The following DOT1L variants were observed in gnomAD, a reference collection of about 807,000 sequenced individuals.
DOT1L encodes DOT1 like histone lysine methyltransferase, also known as histone-lysine N-methyltransferase, H3 lysine-79 specific.
Under a neutral mutation model 153.3 loss-of-function variants are expected in DOT1L, and 33 were observed. That is an observed-to-expected ratio of 0.22 (90% CI 0.16 to 0.29). The LOEUF is 0.29. Among genes scored for constraint, DOT1L ranks in the 10% least tolerant of loss-of-function variants. The pLI, the probability that DOT1L is intolerant of heterozygous loss-of-function variation, is 1.00. For synonymous variants in DOT1L, 1,135 were observed against 965.1 expected, an observed-to-expected ratio of 1.18 and a Z score of -3.26; for missense variants, 1,847 against 2,119.9, an observed-to-expected ratio of 0.87 and a Z score of 2.53.
chr19:2,164,419 C>T (rs2019829258), intron 1 of DOT1L, 154 bp downstream of exon 1: 1 of 464,668 alleles, frequency 2.2e-6, no homozygotes, highest in Non-Finnish European at 3.3e-6. Flanking sequence ...CGTTGCTTCC[C>T]GGCCGAGGGC....
intron 1 of DOT1L, among the ~76,000 whole-genome samples, chr19:2,173,412 G>A (rs368084628): frequency 6.6e-6 from 1 of 152,162 alleles, no homozygotes; most frequent in East Asian, 1.9e-4. Flanking sequence ...GAGAGAACTC[G>A]AGGTGAGCCG....
intron 25 of DOT1L, among the ~76,000 whole-genome samples, chr19:2,225,041 G>A (rs1390286369): frequency 2.0e-5 from 3 of 152,238 alleles, no homozygotes. Flanking sequence ...GAGAGGGGCC[G>A]GGAGAGGGAG....
Position 2,213,836 on chromosome 19 carries a change from C to T in DOT1L, c.1660-13C>T, listed in dbSNP as rs1381976008. 6.2e-7 allele frequency: 1 copy of T among 1,612,990 alleles called. No homozygotes were observed. The highest frequency in any genetic ancestry group is 8.5e-7 in the Non-Finnish European group (1 of 1,179,908). On this transcript the variant is annotated splice_polypyrimidine_tract_variant and intron_variant, in intron 17 of 27. Coordinates refer to ENST00000398665, the MANE Select transcript of DOT1L (RefSeq NM_032482.3). ...GCCACCAGCATGACCTCTCCCCCGC[C>T]CCATGTCCCCAGCTGGGTGTGAAGG...
chr19:2,165,209 C>T (rs936339886), intron 1 of DOT1L, among the ~76,000 whole-genome samples: 4 of 152,148 alleles, frequency 2.6e-5, no homozygotes, highest in African/African-American at 9.7e-5. Flanking sequence ...TGTCAGCGAG[C>T]GTGTCCGGGG....
At position 2,217,194 on chromosome 19, in the gene DOT1L, G is replaced by T. The variant is rs971988756; in HGVS notation, c.2544+104G>T. The T allele has an allele frequency of 6.3e-6, 9 of 1,422,506 alleles. No homozygotes were observed. In the African/African-American group the frequency reaches 1.1e-4, roughly 18 times the overall value. The allele number at this position is 1,422,506 out of a possible 1,614,324, so 88.1% of individuals were successfully genotyped here. A position where few individuals can be genotyped will look rare whatever the true frequency, so the allele number is the denominator to read the frequency against. ...TTGTCCTAGTTGACCTTGGGGCACG[G>T]TGAGGTACTGGGGCTGACCTGGAGT... On this transcript the variant is annotated intron_variant, in intron 21 of 27. Transcript: ENST00000398665. The surrounding 1 kb of genome is among the most constrained non-coding windows in gnomAD (Gnocchi z 7.3).
chr19:2,226,238 C>G lies in DOT1L; in HGVS notation c.3717C>G (p.Ser1239Arg). Residue 1239 changes from serine (S) to arginine (R), a missense_variant, in exon 27 of 28, where the codon AGC becomes AGG. Physicochemically the swap from Ser to Arg is moderately radical, Grantham distance 110 (BLOSUM62 -1). This residue lies in a region of DOT1L where 934 missense variants were observed against 825.3 expected (regional missense o/e 1.13). Coordinates refer to ENST00000398665, the MANE Select transcript of DOT1L (RefSeq NM_032482.3). ...CCGCCGGCGAGCCAGTCAATAGCAGCAAGTGGAAGTCCACCTTCTCGCCCA... is the reference window on the plus strand; with the variant it reads ...CCGCCGGCGAGCCAGTCAATAGCAGGAAGTGGAAGTCCACCTTCTCGCCCA... The part of the protein sequence containing the change: ...PAPAGEPVNS[S>R]KWKSTFSPIS... 1.3e-6 allele frequency: 2 copies of G among 1,557,388 alleles called. No homozygotes were observed. Among genetic ancestry groups the G allele is most frequent in the Non-Finnish European group, 1.7e-6 (2 of 1,150,224 alleles).
chr19:2,230,767 A>T lies in DOT1L; in HGVS notation c.*975A>T. ...CGAGGGGAAAAAACCTTATTTATTCAAACAGTGCACAAAATGGCCCCAGCG... is the reference window on the plus strand; with the variant it reads ...CGAGGGGAAAAAACCTTATTTATTCTAACAGTGCACAAAATGGCCCCAGCG... On this transcript the variant is annotated 3_prime_UTR_variant, in exon 28 of 28. Transcript: ENST00000398665. 1 of 396,248 alleles carries T rather than the reference A, an allele frequency of 2.5e-6. No homozygotes were observed. The highest frequency in any genetic ancestry group is 3.6e-5 in the East Asian group (1 of 28,002). The allele number at this position is 396,248 out of a possible 1,614,324, so 24.5% of individuals were successfully genotyped here.
At chr19:2,201,591 G>A (rs1242573877) in intron 8 of DOT1L, among the ~76,000 whole-genome samples, 1 of 152,232 alleles carries the variant, frequency 6.6e-6, no homozygotes, top group East Asian at 1.9e-4. Flanking sequence ...TGCTGTGCCC[G>A]CCGGCGGGTG....
At chr19:2,176,907 G>A (rs547410564) in intron 1 of DOT1L, among the ~76,000 whole-genome samples, 6 of 152,338 alleles carry the variant, frequency 3.9e-5, no homozygotes, top group African/African-American at 1.2e-4. Flanking sequence ...GAACCCTGCC[G>A]TGGGCCCTGA....
At position 2,222,354 on chromosome 19, in the gene DOT1L, G is replaced by A. The variant is rs777741147; in HGVS notation, c.3185G>A (p.Ser1062Asn). 1 of 1,612,478 alleles carries A rather than the reference G, an allele frequency of 6.2e-7. No individual in the cohort carries two copies. The highest frequency in any genetic ancestry group is 8.5e-7 in the Non-Finnish European group (1 of 1,179,732). ...GGCAGTGCCAAGCAGTCGCCCTCCAGCAAGCACAGCCCCCTGACCGCCAGC... is the reference window on the plus strand; with the variant it reads ...GGCAGTGCCAAGCAGTCGCCCTCCAACAAGCACAGCCCCCTGACCGCCAGC... ...GAGSAKQSPS[S>N]KHSPLTASAR... The change falls in exon 24 of 28, where the codon AGC becomes AAC. Residue 1062 changes from serine (S) to asparagine (N), a missense_variant. Ser to Asn is a conservative substitution (Grantham distance 46, BLOSUM62 1). Coordinates refer to ENST00000398665, the MANE Select transcript of DOT1L (RefSeq NM_032482.3). This position sits in a 1 kb window ranked among gnomAD's most constrained non-coding sequence, Gnocchi z 6.5.
At position 2,220,383 on chromosome 19, in the gene DOT1L, C is replaced by T; in HGVS notation, c.2806+161C>T. 1 of 759,502 alleles carries T rather than the reference C, an allele frequency of 1.3e-6. No individual in the cohort carries two copies. 47.0% of individuals were successfully genotyped at this position (759,502 alleles called of 1,614,324 possible). On this transcript the variant is annotated intron_variant, in intron 23 of 27. Transcript: ENST00000398665. The surrounding 1 kb of genome is among the most constrained non-coding windows in gnomAD (Gnocchi z 4.5). ...TCATTACTGACACCCTTTCCTGCAT[C>T]CCACGAGCTGGGATGCGGATCGGGC...
chr19:2,206,632 G>A (rs1310901939), intron 9 of DOT1L, 97 bp from the exon 10 acceptor site: 2 of 1,200,470 alleles, frequency 1.7e-6, no homozygotes, highest in East Asian at 2.4e-5. Flanking sequence ...CAGTGTGTGT[G>A]TGTTCCGTGT....
intron 1 of DOT1L, among the ~76,000 whole-genome samples, chr19:2,168,841 C>A (rs2020023278): frequency 6.6e-6 from 1 of 152,172 alleles, no homozygotes; most frequent in African/African-American, 2.4e-5. Context: ...GTCTCGAACT[C>A]CTGACCTTGT....
At chr19:2,178,518 C>G (rs57119624) in intron 1 of DOT1L, among the ~76,000 whole-genome samples, 18,417 of 150,624 alleles carry the variant, frequency 0.12, 2,481 homozygotes, top group African/African-American at 0.34. Context: ...CCCGGGTTCA[C>G]GCCATTCTCC....
chr19:2,190,961 G>C lies in DOT1L; in HGVS notation c.265-51G>C, dbSNP rs1393026865. ...AGGTCCCGGGTCTTGGTGGTGGAGG[G>C]GCTGGGCCGTGAGGTTTATGTGACA... is the stretch of plus-strand genomic sequence containing the variant. On this transcript the variant is annotated intron_variant, in intron 4 of 27. Coordinates refer to ENST00000398665, the MANE Select transcript of DOT1L (RefSeq NM_032482.3). This position sits in a 1 kb window ranked among gnomAD's most constrained non-coding sequence, Gnocchi z 4.8. 1 of 1,509,640 alleles carries C rather than the reference G, an allele frequency of 6.6e-7. No homozygotes were observed. The allele number at this position is 1,509,640 out of a possible 1,614,324, so 93.5% of individuals were successfully genotyped here.
chr19:2,189,269 G>A (rs763904639), intron 3 of DOT1L, among the ~76,000 whole-genome samples: 20 of 152,316 alleles, frequency 1.3e-4, no homozygotes, highest in African/African-American at 4.1e-4. Flanking sequence ...GCACCTGCCC[G>A]GGCAGAGGCC....
rs2022767262 is a variant in DOT1L at position 2,190,934 on chromosome 19, A to G, written c.265-78A>G. 2.2e-6 allele frequency: 3 copies of G among 1,377,974 alleles called. No individual in the cohort carries two copies. The East Asian group carries it at 7.6e-5, about 35-fold the overall frequency. The allele number at this position is 1,377,974 out of a possible 1,614,324, so 85.4% of individuals were successfully genotyped here. ...CAGCCGACTCCCTGCTTCCGCTGGGAAAGGTCCCGGGTCTTGGTGGTGGAG... is the reference window on the plus strand; with the variant it reads ...CAGCCGACTCCCTGCTTCCGCTGGGGAAGGTCCCGGGTCTTGGTGGTGGAG... On this transcript the variant is annotated intron_variant, in intron 4 of 27. Transcript: ENST00000398665. The surrounding 1 kb of genome is among the most constrained non-coding windows in gnomAD (Gnocchi z 4.8).
At chr19:2,229,397 T>G (rs1599633917) in intron 27 of DOT1L, 2 of 985,444 alleles carry the variant, frequency 2.0e-6, no homozygotes, top group Non-Finnish European at 2.4e-6. Context: ...AGAGGAGGAC[T>G]GGGAGCCAGG....
At position 2,211,158 on chromosome 19, in the gene DOT1L, T is replaced by C. The variant is rs1379498721; in HGVS notation, c.1411T>C (p.Ser471Pro). The C allele has an allele frequency of 5.0e-6, 8 of 1,612,614 alleles. No homozygotes were observed. The highest frequency in any genetic ancestry group is 6.8e-6 in the Non-Finnish European group (8 of 1,179,674). ...GCTACCTCCGAGCGTGCAGCGGCAC[T>C]CCCCCAACCCGCTGCTGGTGGCGCC... ...YQLPPSVQRH[S>P]PNPLLVAPTP... Residue 471 changes from serine (S) to proline (P), a missense_variant, in exon 15 of 28, where the codon TCC becomes CCC. Ser to Pro is a moderately conservative substitution (Grantham distance 74). This residue lies in a region of DOT1L where 205 missense variants were observed against 203.1 expected (regional missense o/e 1.01). Transcript: ENST00000398665.
Sources: allele counts gnomAD v4.1 joint callset (sites outside exome capture counted in the v4.1 genomes callset), GRCh38; gene constraint gnomAD v4.1.1; regional missense constraint gnomAD v4.1.1; non-coding constraint Gnocchi (gnomAD v3.1); transcripts MANE v1.5; gene names NCBI Gene and HGNC (gene_info 2026-07-23, HGNC 2026-07-21).